The following HS6ST3 variants were observed in gnomAD, a reference collection of about 807,000 sequenced individuals.
The protein encoded by HS6ST3 is heparan-sulfate 6-O-sulfotransferase 3.
A neutral mutation model predicts 36.7 loss-of-function variants in HS6ST3; 12 were observed. That is an observed-to-expected ratio of 0.33 (90% CI 0.21 to 0.53). The LOEUF (loss-of-function observed/expected upper bound fraction) is 0.53. Among genes scored for constraint, HS6ST3 ranks in the 20% least tolerant of loss-of-function variants. The pLI, the probability that HS6ST3 is intolerant of heterozygous loss-of-function variation, is 0.95. For missense variants in HS6ST3, 584 were observed against 640.9 expected, an observed-to-expected ratio of 0.91 and a Z score of 0.96; for synonymous variants, 240 against 257.5, an observed-to-expected ratio of 0.93 and a Z score of 0.65.
In HS6ST3 at chr13:96,115,870, A is replaced by G. The variant is rs1464722788; in HGVS notation, c.707+24301A>G. Among the ~76,000 whole-genome samples the G allele has an allele frequency of 3.9e-5, 6 of 152,136 alleles. No homozygotes were observed. The East Asian group carries it at 9.7e-4, about 24-fold the overall frequency. On this transcript the variant is annotated intron_variant, in intron 1 of 1. Coordinates refer to ENST00000376705, the MANE Select transcript of HS6ST3 (RefSeq NM_153456.4). Reference sequence around the variant, plus strand: ...AATTTACATTCCCACCAACAGTGTAAAAGTTTTCCTGTTTCTCCACATCCT... The same window carrying G: ...AATTTACATTCCCACCAACAGTGTAGAAGTTTTCCTGTTTCTCCACATCCT...
intron 1 of HS6ST3, among the ~76,000 whole-genome samples, chr13:96,384,124 AT>A (rs1291839859): frequency 6.6e-6 from 1 of 152,178 alleles, no homozygotes; most frequent in Non-Finnish European, 1.5e-5. Context: ...TTGAAGTTAT[AT>A]TTGTGGAAAG....
chr13:96,499,828 C>T (rs1208300541), intron 1 of HS6ST3, among the ~76,000 whole-genome samples: 2 of 152,258 alleles, frequency 1.3e-5, no homozygotes, highest in African/African-American at 2.4e-5. Flanking sequence ...CATACTGGGC[C>T]TGGGCGTCCA....
intron 1 of HS6ST3, among the ~76,000 whole-genome samples, chr13:96,509,570 A>G (rs1264591852): frequency 2.6e-5 from 4 of 152,178 alleles, no homozygotes; most frequent in African/African-American, 4.8e-5. Context: ...TGTTGCTTCC[A>G]ATTATCCCAG....
chr13:96,533,712 G>T (rs574280532), intron 1 of HS6ST3, among the ~76,000 whole-genome samples: 1 of 152,116 alleles, frequency 6.6e-6, no homozygotes, highest in Non-Finnish European at 1.5e-5. Flanking sequence ...CTAAGTGCTC[G>T]GTATTAAAGT....
At chr13:96,557,622 C>T (rs1270776808) in intron 1 of HS6ST3, among the ~76,000 whole-genome samples, 1 of 152,222 alleles carries the variant, frequency 6.6e-6, no homozygotes. Flanking sequence ...GATATCTACA[C>T]TGAGGTCTCA....
intron 1 of HS6ST3, among the ~76,000 whole-genome samples, chr13:96,531,919 C>T (rs1242819867): frequency 2.0e-5 from 3 of 152,176 alleles, no homozygotes; most frequent in African/African-American, 7.2e-5. Context: ...ACAGACAAAG[C>T]TGGAGGAAGA....
At chr13:96,231,451 T>C (rs1489570862) in intron 1 of HS6ST3, among the ~76,000 whole-genome samples, 1 of 152,078 alleles carries the variant, frequency 6.6e-6, no homozygotes, top group Non-Finnish European at 1.5e-5. Context: ...TCAGGAAACT[T>C]ATAACTATGG....
chr13:96,114,995 C>T (rs1019425303), intron 1 of HS6ST3, among the ~76,000 whole-genome samples: 2 of 152,104 alleles, frequency 1.3e-5, no homozygotes, highest in Admixed American at 6.5e-5. Context: ...AATAGTTAGT[C>T]CAAGTTTAGG....
chr13:96,661,410 G>T (rs189985746), intron 1 of HS6ST3, among the ~76,000 whole-genome samples: 10 of 152,104 alleles, frequency 6.6e-5, no homozygotes, highest in Middle Eastern at 3.4e-3. Context: ...TGAGTTAAAG[G>T]TTGTCTTATC....
At chr13:96,769,773 T>TGTGTGTGC (rs1555323691) in intron 1 of HS6ST3, among the ~76,000 whole-genome samples, 19 of 142,286 alleles carry the variant, frequency 1.3e-4, no homozygotes, top group African/African-American at 4.6e-4. Flanking sequence ...TGTGTGTGTG[T>TGTGTGTGC]GCGCACATAT....
At chr13:96,777,472 C>T (rs1173376183) in intron 1 of HS6ST3, among the ~76,000 whole-genome samples, 1 of 152,232 alleles carries the variant, frequency 6.6e-6, no homozygotes, top group East Asian at 1.9e-4. Flanking sequence ...TAAGCAACTT[C>T]AGCAAAGTCT....
rs541194719 is a variant in HS6ST3 at position 96,825,388 on chromosome 13, T to C, written c.708-7102T>C. 2.0e-5 allele frequency among the ~76,000 whole-genome samples: 3 copies of C among 152,276 alleles called. 1 individual carries two copies. In the South Asian group the frequency reaches 6.2e-4, roughly 32 times the overall value. ...ACTGCAGTATTGAAAAGGAAGGATT[T>C]GCTAGAAGGAAAGAAAGAAACAGAA... On this transcript the variant is annotated intron_variant, in intron 1 of 1. Transcript: ENST00000376705.
chr13:96,481,178 A>G (rs1033366417), intron 1 of HS6ST3, among the ~76,000 whole-genome samples: 99 of 152,326 alleles, frequency 6.5e-4, no homozygotes, highest in African/African-American at 2.2e-3. Context: ...CCAGACACCA[A>G]TTAAGTCAAA....
chr13:96,221,979 A>T (rs973453928), intron 1 of HS6ST3, among the ~76,000 whole-genome samples: 6 of 152,228 alleles, frequency 3.9e-5, no homozygotes, highest in Non-Finnish European at 7.3e-5. Flanking sequence ...CTGTTATTTT[A>T]AATTTTATAA....
chr13:96,302,417 G>A (rs2054888048), intron 1 of HS6ST3, among the ~76,000 whole-genome samples: 1 of 152,090 alleles, frequency 6.6e-6, no homozygotes, highest in African/African-American at 2.4e-5. Flanking sequence ...GATTACTTAA[G>A]GATATGGGTA....
At chr13:96,353,772 T>C (rs1051514692) in intron 1 of HS6ST3, among the ~76,000 whole-genome samples, 1 of 152,314 alleles carries the variant, frequency 6.6e-6, no homozygotes, top group South Asian at 2.1e-4. Flanking sequence ...AAAAGATGTT[T>C]AATTCAATGA....
intron 1 of HS6ST3, among the ~76,000 whole-genome samples, chr13:96,483,928 G>C (rs2055901519): frequency 6.6e-6 from 1 of 152,104 alleles, no homozygotes; most frequent in African/African-American, 2.4e-5. Flanking sequence ...TTGTGAACAG[G>C]GTGAGGTCTG....
At chr13:96,560,233 A>C (rs1224593550) in intron 1 of HS6ST3, among the ~76,000 whole-genome samples, 1 of 152,214 alleles carries the variant, frequency 6.6e-6, no homozygotes, top group Non-Finnish European at 1.5e-5. Flanking sequence ...GCCATGTGTT[A>C]GACATGTAAC....
At chr13:96,153,100 C>T (rs2054094965) in intron 1 of HS6ST3, among the ~76,000 whole-genome samples, 3 of 152,234 alleles carry the variant, frequency 2.0e-5, no homozygotes, top group African/African-American at 4.8e-5. Context: ...ATTTGAACTC[C>T]CAGGTGCACA....
Sources: gnomAD v4.1 joint callset for allele counts (sites outside exome capture counted in the v4.1 genomes callset) on GRCh38, gnomAD v4.1.1 for gene constraint, MANE v1.5 for transcripts, NCBI Gene and HGNC (gene_info 2026-07-23, HGNC 2026-07-21) for gene names.